Variants in RELN observed in about 807,000 individuals in gnomAD.
RELN encodes the protein reelin.
Under a neutral mutation model 427.6 loss-of-function variants are expected in RELN, and 108 were observed. That is an observed-to-expected ratio of 0.25 (90% confidence interval 0.22 to 0.30). The LOEUF is 0.30. RELN is among the 10% of genes least tolerant of loss of function. The probability of loss-of-function intolerance (pLI) is 1.00; values close to 1 mark genes in which losing one functional copy is unlikely to be tolerated. For missense variants in RELN, 3,715 were observed against 4,302.8 expected (o/e 0.86, Z 3.82); for synonymous variants, 1,524 against 1,513.4 (o/e 1.01, Z -0.16).
chr7:103,676,366 C>T (rs1363401788), intron 11 of RELN, among the ~76,000 whole-genome samples: 1 of 152,024 alleles, frequency 6.6e-6, no homozygotes, highest in South Asian at 2.1e-4. Flanking sequence ...GTTAGAATGG[C>T]AATCATTAAA....
chr7:103,812,119 G>A (rs149577373), intron 3 of RELN, among the ~76,000 whole-genome samples: 37 of 152,138 alleles, frequency 2.4e-4, no homozygotes, highest in East Asian at 5.8e-4. Flanking sequence ...TTCACTAACC[G>A]AGACGACTTT....
At position 103,510,733 on chromosome 7, in the gene RELN, A is replaced by G. The variant is rs1829379430; in HGVS notation, c.8274+118T>C. On this transcript the variant is annotated intron_variant, in intron 51 of 64. Coordinates refer to ENST00000428762, the MANE Select transcript of RELN (RefSeq NM_005045.4). Reference sequence around the variant, plus strand: ...GAGTTGTATATTAGTTTAATAGTAAATTTTACTTTTCAAAGTATATACTAA... The same window carrying G: ...GAGTTGTATATTAGTTTAATAGTAAGTTTTACTTTTCAAAGTATATACTAA... 7.4e-6 allele frequency: 6 copies of G among 812,696 alleles called. No individual in the cohort carries two copies. In the East Asian group the frequency reaches 1.6e-4, roughly 22 times the overall value. 50.3% of individuals were successfully genotyped at this position (812,696 alleles called of 1,614,324 possible). A position where few individuals can be genotyped will look rare whatever the true frequency, so the allele number is the denominator to read the frequency against.
chr7:103,584,689 A>C (rs1459990990), intron 28 of RELN, among the ~76,000 whole-genome samples: 1 of 152,212 alleles, frequency 6.6e-6, no homozygotes, highest in Non-Finnish European at 1.5e-5. Flanking sequence ...TTCTGGACTT[A>C]AATTGGACTC....
At chr7:103,489,220 G>GTGTT (rs1828561903) in intron 60 of RELN, among the ~76,000 whole-genome samples, 1 of 152,060 alleles carries the variant, frequency 6.6e-6, no homozygotes. Flanking sequence ...GTGTGTGTGT[G>GTGTT]TGTGTGTGTC....
chr7:103,554,875 T>G (rs1830490638), intron 38 of RELN, among the ~76,000 whole-genome samples: 1 of 152,196 alleles, frequency 6.6e-6, no homozygotes, highest in African/African-American at 2.4e-5. Flanking sequence ...TTCATGCTTT[T>G]TAGGGCCAAC....
chr7:103,720,828 C>A (rs1234265799), intron 8 of RELN, among the ~76,000 whole-genome samples: 1 of 152,028 alleles, frequency 6.6e-6, no homozygotes, highest in Non-Finnish European at 1.5e-5. Flanking sequence ...GATGTCACAC[C>A]CTTATACCTC....
chr7:103,961,999 C>G (rs991414861), intron 1 of RELN, among the ~76,000 whole-genome samples: 1 of 152,056 alleles, frequency 6.6e-6, no homozygotes, highest in Non-Finnish European at 1.5e-5. Context: ...GGTGGAGAAG[C>G]CTTCTCAAAG....
intron 11 of RELN, among the ~76,000 whole-genome samples, chr7:103,679,328 G>A (rs1239100323): frequency 6.6e-6 from 1 of 152,220 alleles, no homozygotes; most frequent in Non-Finnish European, 1.5e-5. Context: ...ATTCTGGGGT[G>A]TAGCCTGACG....
chr7:103,682,160 A>G lies in RELN; in HGVS notation c.1245T>C (p.Asp415=), dbSNP rs777840931. Residue 415 remains aspartate (D), a synonymous_variant, in exon 11 of 65, where the codon GAT becomes GAC. Transcript: ENST00000428762. ...TTRDVDLSTE[D]IQEQWSEEFE... ...ATTCTTCTGACCATTGCTCTTGAATATCTTCTGTGGAAAGATCTACATCCC... is the reference window on the plus strand; with the variant it reads ...ATTCTTCTGACCATTGCTCTTGAATGTCTTCTGTGGAAAGATCTACATCCC... 8 of 1,613,992 alleles carry G rather than the reference A, an allele frequency of 5.0e-6. No homozygotes were observed. The highest frequency in any genetic ancestry group is 6.8e-6 in the Non-Finnish European group (8 of 1,179,914).
chr7:103,832,285 C>G (rs988002424), intron 3 of RELN, among the ~76,000 whole-genome samples: 1 of 152,140 alleles, frequency 6.6e-6, no homozygotes, highest in African/African-American at 2.4e-5. Flanking sequence ...GCCTATAGAA[C>G]AGCTGTTTCT....
chr7:103,745,940 A>T (rs905633122), intron 6 of RELN, among the ~76,000 whole-genome samples: 16 of 152,198 alleles, frequency 1.1e-4, no homozygotes, highest in Non-Finnish European at 1.5e-5. Flanking sequence ...TGGAACCAAA[A>T]AAGAGCTCAC....
intron 51 of RELN, among the ~76,000 whole-genome samples, chr7:103,510,038 G>A (rs181468736): frequency 1.3e-5 from 2 of 152,310 alleles, no homozygotes; most frequent in East Asian, 3.9e-4. Flanking sequence ...TACACTGTTG[G>A]TGGGAGTGTA....
chr7:103,948,966 G>C (rs1337910009), intron 1 of RELN, among the ~76,000 whole-genome samples: 2 of 144,914 alleles, frequency 1.4e-5, no homozygotes, highest in Admixed American at 1.4e-4. Flanking sequence ...AATGAGCCTC[G>C]GCCCTTGATT....
chr7:103,959,498 C>T (rs1318311859), intron 1 of RELN, among the ~76,000 whole-genome samples: 4 of 152,200 alleles, frequency 2.6e-5, no homozygotes, highest in African/African-American at 4.8e-5. Context: ...CTATCTCTGA[C>T]ATTCCTCCCA....
chr7:103,536,354 C>T (rs906660250), intron 45 of RELN, among the ~76,000 whole-genome samples: 4 of 152,184 alleles, frequency 2.6e-5, no homozygotes, highest in African/African-American at 9.7e-5. Flanking sequence ...AAGCTGCCTA[C>T]GTCCCTACCT....
intron 3 of RELN, among the ~76,000 whole-genome samples, chr7:103,808,039 T>C (rs1160040169): frequency 1.3e-5 from 2 of 152,240 alleles, no homozygotes; most frequent in South Asian, 2.1e-4. Flanking sequence ...TTCCTCCTCT[T>C]GGATTTCATA....
At chr7:103,951,537 C>A (rs1057149967) in intron 1 of RELN, among the ~76,000 whole-genome samples, 1 of 152,180 alleles carries the variant, frequency 6.6e-6, no homozygotes, top group African/African-American at 2.4e-5. Context: ...GAAGACCTTC[C>A]TTTCACCCTA....
chr7:103,765,728 T>C (rs896213374), intron 4 of RELN, among the ~76,000 whole-genome samples: 1 of 152,226 alleles, frequency 6.6e-6, no homozygotes, highest in Admixed American at 6.5e-5. Flanking sequence ...GCAGGTTATA[T>C]AGCAGCATGT....
rs189292199 is a variant in RELN, at chr7:103,681,826, T to C, written c.1289+290A>G. Among the ~76,000 whole-genome samples the C allele has an allele frequency of 1.6e-4, 24 of 152,198 alleles. No homozygotes were observed. The East Asian group carries it at 4.4e-3, about 28-fold the overall frequency. ...GGAAAGATTTTGTATTCTATAAACATTGGGAAAAAAACCTTTCTCCCAGTA... is the reference window on the plus strand; with the variant it reads ...GGAAAGATTTTGTATTCTATAAACACTGGGAAAAAAACCTTTCTCCCAGTA... On this transcript the variant is annotated intron_variant, in intron 11 of 64. Coordinates refer to ENST00000428762, the MANE Select transcript of RELN (RefSeq NM_005045.4).
Sources: allele counts gnomAD v4.1 joint callset (sites outside exome capture counted in the v4.1 genomes callset), GRCh38; gene constraint gnomAD v4.1.1; transcripts MANE v1.5; gene names NCBI Gene and HGNC (gene_info 2026-07-23, HGNC 2026-07-21).